Variants in GALNTL6 observed in about 807,000 individuals in gnomAD.
The protein encoded by GALNTL6 is polypeptide N-acetylgalactosaminyltransferase-like 6.
Under a neutral mutation model 73.7 loss-of-function variants are expected in GALNTL6, and 46 were observed. That is an observed-to-expected ratio of 0.62 (90% CI 0.49 to 0.80). GALNTL6 has a LOEUF of 0.80. GALNTL6 is among the 30% of genes least tolerant of loss of function. The pLI is 0.00. For missense variants in GALNTL6, 604 were observed against 755.0 expected (o/e 0.80, Z 2.34); for synonymous variants, 259 against 263.7 (o/e 0.98, Z 0.17).
At chr4:172,449,272 A>G (rs896989633) in intron 5 of GALNTL6, among the ~76,000 whole-genome samples, 1 of 152,194 alleles carries the variant, frequency 6.6e-6, no homozygotes, top group Non-Finnish European at 1.5e-5. Flanking sequence ...TGTACTAAAC[A>G]TGTCTTAGAC....
intron 5 of GALNTL6, among the ~76,000 whole-genome samples, chr4:172,545,218 C>A (rs751446763): frequency 2.0e-5 from 3 of 152,050 alleles, no homozygotes; most frequent in Non-Finnish European, 4.4e-5. Context: ...GTAACTAAGG[C>A]CCCAGAGGTA....
At chr4:171,915,162 C>T (rs1478139784) in intron 2 of GALNTL6, among the ~76,000 whole-genome samples, 7 of 151,776 alleles carry the variant, frequency 4.6e-5, no homozygotes, top group Non-Finnish European at 8.8e-5. Flanking sequence ...ATCTTCTTAC[C>T]CTTTACTGTA....
intron 5 of GALNTL6, among the ~76,000 whole-genome samples, chr4:172,539,887 A>G (rs1735485058): frequency 7.3e-6 from 1 of 136,870 alleles, no homozygotes; most frequent in South Asian, 2.2e-4. Flanking sequence ...ATATATATAT[A>G]TATATATATA....
intron 2 of GALNTL6, among the ~76,000 whole-genome samples, chr4:172,038,426 C>T (rs936953482): frequency 3.3e-5 from 5 of 152,106 alleles, no homozygotes; most frequent in Admixed American, 1.3e-4. Flanking sequence ...AATATATACA[C>T]ATTGTCCTTG....
At chr4:173,009,574 TCTTA>T (rs1229780006) in intron 11 of GALNTL6, among the ~76,000 whole-genome samples, 1 of 152,230 alleles carries the variant, frequency 6.6e-6, no homozygotes, top group African/African-American at 2.4e-5. Flanking sequence ...GCGACCCTAG[TCTTA>T]CTTCTTTTCC....
At chr4:172,824,198 A>G (rs1283905203) in intron 7 of GALNTL6, among the ~76,000 whole-genome samples, 1 of 152,188 alleles carries the variant, frequency 6.6e-6, no homozygotes, top group Non-Finnish European at 1.5e-5. Flanking sequence ...TGCAGTATTT[A>G]TATTTAAAGA....
chr4:172,761,662 G>GCGCTCTCT (rs1553985703), intron 5 of GALNTL6, among the ~76,000 whole-genome samples: 4 of 41,024 alleles, frequency 9.8e-5, no homozygotes, highest in South Asian at 7.4e-4. Flanking sequence ...CTTCGCCCTT[G>GCGCTCTCT]CTCTCTTTCT....
chr4:172,474,410 C>T (rs1440715827), intron 5 of GALNTL6, among the ~76,000 whole-genome samples: 2 of 152,118 alleles, frequency 1.3e-5, no homozygotes, highest in Non-Finnish European at 2.9e-5. Context: ...ATACTGTCTT[C>T]CTATGGTAGA....
chr4:171,850,405 T>C (rs1263669415), intron 2 of GALNTL6, among the ~76,000 whole-genome samples: 2 of 152,192 alleles, frequency 1.3e-5, no homozygotes, highest in Non-Finnish European at 2.9e-5. Flanking sequence ...AGTCTCTTAT[T>C]CAATCAAAGC....
intron 5 of GALNTL6, among the ~76,000 whole-genome samples, chr4:172,763,400 T>G (rs1390243017): frequency 6.6e-6 from 1 of 152,242 alleles, no homozygotes; most frequent in Non-Finnish European, 1.5e-5. Context: ...TAATTTATTT[T>G]TCTACTTCTT....
At chr4:172,826,948 G>A (rs1296701121) in intron 7 of GALNTL6, among the ~76,000 whole-genome samples, 2 of 152,140 alleles carry the variant, frequency 1.3e-5, no homozygotes, top group Non-Finnish European at 1.5e-5. Flanking sequence ...TCTCAGGATG[G>A]CATCTTGATC....
rs1050860700 is a variant in GALNTL6, at chr4:171,942,125, T to G, written c.138+127407T>G. On this transcript the variant is annotated intron_variant, in intron 2 of 12. Transcript: ENST00000506823. ...TTAAAAATAGGCTGCGTTCGGTGGC[T>G]CACGCCTGGAATCCCAGCACTTTGG... 3.9e-5 allele frequency among the ~76,000 whole-genome samples: 6 copies of G among 152,090 alleles called. No homozygotes were observed. The East Asian group carries it at 1.2e-3, about 29-fold the overall frequency.
intron 2 of GALNTL6, among the ~76,000 whole-genome samples, chr4:171,919,695 A>C (rs189333999): frequency 6.6e-6 from 1 of 152,128 alleles, no homozygotes; most frequent in Non-Finnish European, 1.5e-5. Context: ...ACAAAAAAAA[A>C]GAAAGAAAGG....
At chr4:172,346,988 C>CTTTTTTTTTTTTTT (rs34332250) in intron 4 of GALNTL6, among the ~76,000 whole-genome samples, 21 of 114,388 alleles carry the variant, frequency 1.8e-4, no homozygotes, top group Non-Finnish European at 2.4e-4. Context: ...TGTTTTCTTT[C>CTTTTTTTTTTTTTT]TTTTTTTTTT....
At chr4:171,985,577 C>CATGGATTATTATGTTACACAGTGTT (rs1349971068) in intron 2 of GALNTL6, among the ~76,000 whole-genome samples, 1 of 152,064 alleles carries the variant, frequency 6.6e-6, no homozygotes, top group Non-Finnish European at 1.5e-5. Context: ...ACCACACTTC[C>CATGGATTATTATGTTACACAGTGTT]ATGGATTATT....
intron 5 of GALNTL6, among the ~76,000 whole-genome samples, chr4:172,647,872 A>C (rs544554216): frequency 6.6e-6 from 1 of 152,296 alleles, no homozygotes; most frequent in East Asian, 1.9e-4. Flanking sequence ...CAGTGGAAAC[A>C]GCCACAATAC....
intron 3 of GALNTL6, among the ~76,000 whole-genome samples, chr4:172,239,648 G>A (rs1264955489): frequency 6.6e-6 from 1 of 151,918 alleles, no homozygotes; most frequent in Non-Finnish European, 1.5e-5. Context: ...GTTTGCTTTT[G>A]TTTTTCTATT....
chr4:172,048,501 A>G (rs1034986826), intron 2 of GALNTL6, among the ~76,000 whole-genome samples: 1 of 152,132 alleles, frequency 6.6e-6, no homozygotes, highest in Non-Finnish European at 1.5e-5. Context: ...GTAATCATAG[A>G]TGCTACTATG....
chr4:172,294,921 T>C (rs2111107677), intron 3 of GALNTL6, among the ~76,000 whole-genome samples: 1 of 152,320 alleles, frequency 6.6e-6, no homozygotes, highest in Non-Finnish European at 1.5e-5. Flanking sequence ...CATGTATATT[T>C]TAAACACAGC....
Sources: gnomAD v4.1 joint callset for allele counts (sites outside exome capture counted in the v4.1 genomes callset) on GRCh38, gnomAD v4.1.1 for gene constraint, MANE v1.5 for transcripts, NCBI Gene and HGNC (gene_info 2026-07-23, HGNC 2026-07-21) for gene names.